CLSTN2: variants seen among roughly 807,000 people sequenced by gnomAD.
The protein encoded by CLSTN2 is calsyntenin 2.
A neutral mutation model predicts 101.2 loss-of-function variants in CLSTN2; 48 were observed. The observed-to-expected ratio is 0.47, with a 90% CI of 0.38 to 0.60. The LOEUF (loss-of-function observed/expected upper bound fraction) is 0.60, where lower values mean the gene tolerates loss of function less well. Ranked by LOEUF, CLSTN2 falls within the 20% of genes least tolerant of loss-of-function variation. The pLI, the probability that CLSTN2 is intolerant of heterozygous loss-of-function variation, is 0.00. For missense variants in CLSTN2, 1,160 were observed against 1,238.2 expected (o/e 0.94, Z 0.95); for synonymous variants, 481 against 463.6 (o/e 1.04, Z -0.48).
At chr3:140,100,757 A>G (rs2008952059) in intron 1 of CLSTN2, among the ~76,000 whole-genome samples, 1 of 152,248 alleles carries the variant, frequency 6.6e-6, no homozygotes, top group South Asian at 2.1e-4. Flanking sequence ...ACGTTCTAAC[A>G]CGCCGGGAGA....
At chr3:140,340,164 A>G (rs539910445) in intron 2 of CLSTN2, among the ~76,000 whole-genome samples, 2 of 152,318 alleles carry the variant, frequency 1.3e-5, no homozygotes, top group South Asian at 4.1e-4. Flanking sequence ...TATTGTTTAA[A>G]CTAGTCCTTT....
chr3:140,014,745 G>A (rs535895835), intron 1 of CLSTN2, among the ~76,000 whole-genome samples: 1 of 152,300 alleles, frequency 6.6e-6, no homozygotes, highest in Admixed American at 6.5e-5. Context: ...AGCAGGGATG[G>A]GGTCAGAGAC....
At chr3:140,464,604 C>T (rs1007382186) in intron 7 of CLSTN2, among the ~76,000 whole-genome samples, 3 of 152,248 alleles carry the variant, frequency 2.0e-5, no homozygotes, top group African/African-American at 7.2e-5. Context: ...CTAGAAGCTG[C>T]TGTAGTAGAG....
intron 1 of CLSTN2, among the ~76,000 whole-genome samples, chr3:140,102,044 A>C (rs997398400): frequency 2.6e-5 from 4 of 152,212 alleles, no homozygotes; most frequent in South Asian, 4.1e-4. Flanking sequence ...AGGATTTCTT[A>C]GTTCAAATTC....
chr3:140,417,466 A>G (rs549601291), intron 4 of CLSTN2, among the ~76,000 whole-genome samples: 1 of 152,288 alleles, frequency 6.6e-6, no homozygotes, highest in East Asian at 1.9e-4. Flanking sequence ...AGCTTTCCAG[A>G]TAGGTTGTTC....
intron 2 of CLSTN2, among the ~76,000 whole-genome samples, chr3:140,249,217 T>C (rs1353736772): frequency 6.6e-6 from 1 of 152,144 alleles, no homozygotes; most frequent in Non-Finnish European, 1.5e-5. Context: ...GGCCGTCCTG[T>C]CCCTAAAGTT....
chr3:140,257,961 C>T lies in CLSTN2; in HGVS notation c.232+81888C>T, dbSNP rs74542561. Among the ~76,000 whole-genome samples the T allele has an allele frequency of 7.8e-4, 118 of 152,144 alleles. 1 individual carries two copies. In the East Asian group the frequency reaches 0.021, roughly 27 times the overall value. On this transcript the variant is annotated intron_variant, in intron 2 of 16. Transcript: ENST00000458420. Reference sequence around the variant, plus strand: ...TTTTCAGAGTTGTCATTTTGCATTTCTACTAACTGTGTTCAGTTACCTTTC... The same window carrying T: ...TTTTCAGAGTTGTCATTTTGCATTTTTACTAACTGTGTTCAGTTACCTTTC...
chr3:140,240,293 C>CAG (rs1553724912), intron 2 of CLSTN2, among the ~76,000 whole-genome samples: 18 of 11,342 alleles, frequency 1.6e-3, no homozygotes, highest in Non-Finnish European at 1.1e-3. Context: ...CATATATACA[C>CAG]ATATATATAT....
chr3:140,527,263 A>G (rs1277180576), intron 8 of CLSTN2, among the ~76,000 whole-genome samples: 1 of 152,200 alleles, frequency 6.6e-6, no homozygotes, highest in East Asian at 1.9e-4. Context: ...AAAAATGGGC[A>G]AAGGATATGA....
chr3:140,178,223 T>C (rs979143983), intron 2 of CLSTN2, among the ~76,000 whole-genome samples: 1 of 151,966 alleles, frequency 6.6e-6, no homozygotes, highest in African/African-American at 2.4e-5. Flanking sequence ...CTCTCTAATG[T>C]ACAGACCACA....
At chr3:140,320,937 A>G (rs1004007404) in intron 2 of CLSTN2, among the ~76,000 whole-genome samples, 1 of 152,140 alleles carries the variant, frequency 6.6e-6, no homozygotes, top group African/African-American at 2.4e-5. Flanking sequence ...AACAGAGGGG[A>G]CAGCAAATAA....
chr3:139,974,860 C>A (rs7433927), intron 1 of CLSTN2, among the ~76,000 whole-genome samples: 17,065 of 152,176 alleles, frequency 0.11, 1,023 homozygotes, highest in Non-Finnish European at 0.13. Flanking sequence ...AGCCCCCTGG[C>A]CCTGTACAGA....
chr3:140,490,121 C>T (rs71619383), intron 8 of CLSTN2, among the ~76,000 whole-genome samples: 532 of 1,848 alleles, frequency 0.29, 215 homozygotes, highest in Middle Eastern at 1. Context: ...TATATATACA[C>T]ACACACACAC....
chr3:140,254,435 C>A (rs1205083601), intron 2 of CLSTN2, among the ~76,000 whole-genome samples: 28 of 152,050 alleles, frequency 1.8e-4, no homozygotes. Flanking sequence ...GGAAGCAGAA[C>A]CATGTCATTT....
chr3:140,489,046 T>C (rs1934291066), intron 8 of CLSTN2, among the ~76,000 whole-genome samples: 1 of 152,198 alleles, frequency 6.6e-6, no homozygotes, highest in Non-Finnish European at 1.5e-5. Context: ...AAATTAGTTT[T>C]TTCATGGACA....
intron 1 of CLSTN2, among the ~76,000 whole-genome samples, chr3:139,966,171 C>T (rs1294259009): frequency 2.0e-5 from 3 of 152,184 alleles, no homozygotes; most frequent in Non-Finnish European, 4.4e-5. Flanking sequence ...GTAGGGGTAA[C>T]TGCAGAAACT....
At chr3:140,375,234 C>T (rs1331169120) in intron 2 of CLSTN2, among the ~76,000 whole-genome samples, 2 of 152,110 alleles carry the variant, frequency 1.3e-5, no homozygotes, top group South Asian at 4.1e-4. Flanking sequence ...CATTCTGGTA[C>T]ATTGAAGAAA....
intron 2 of CLSTN2, among the ~76,000 whole-genome samples, chr3:140,353,646 A>G (rs1034817655): frequency 1.3e-5 from 2 of 152,138 alleles, no homozygotes; most frequent in African/African-American, 4.8e-5. Flanking sequence ...CATCACACCA[A>G]TGAGGTCCTA....
rs539215518 is a variant in CLSTN2, at chr3:140,398,647, G to A, written c.233-4982G>A. Among the ~76,000 whole-genome samples the A allele has an allele frequency of 4.6e-5, 7 of 152,298 alleles. No homozygotes were observed. The East Asian group carries it at 5.8e-4, about 13-fold the overall frequency. On this transcript the variant is annotated intron_variant, in intron 2 of 16. Coordinates refer to ENST00000458420, the MANE Select transcript of CLSTN2 (RefSeq NM_022131.3). The stretch of plus-strand genomic sequence containing the variant: ...TGAAAGAACAAAAAGGGTGCTGACC[G>A]TAGATGCCAAGATTTTAGTCCTTAG...
Sources: gnomAD v4.1 joint callset for allele counts (sites outside exome capture counted in the v4.1 genomes callset) on GRCh38, gnomAD v4.1.1 for gene constraint, MANE v1.5 for transcripts, NCBI Gene and HGNC (gene_info 2026-07-23, HGNC 2026-07-21) for gene names.